Variants in PACRG observed in about 807,000 individuals in gnomAD.
The protein encoded by PACRG is parkin coregulated, also known as parkin coregulated gene protein.
In PACRG, 29 loss-of-function variants were observed where a neutral mutation model predicts 29.7. The ratio of observed to expected loss-of-function variants is 0.98; its 90% CI spans 0.73 to 1.33. The LOEUF (loss-of-function observed/expected upper bound fraction) is 1.33, where lower values mean the gene tolerates loss of function less well. Among genes scored for constraint, PACRG ranks in the 40% most tolerant of loss-of-function variants. PACRG has a pLI of 0.00. For missense variants in PACRG, 279 were observed against 316.2 expected, an observed-to-expected ratio of 0.88 and a Z score of 0.89; for synonymous variants, 116 against 118.7, an observed-to-expected ratio of 0.98 and a Z score of 0.15.
intron 4 of PACRG, among the ~76,000 whole-genome samples, chr6:163,303,185 C>T (rs1023671286): frequency 1.3e-5 from 2 of 151,994 alleles, no homozygotes; most frequent in Non-Finnish European, 2.9e-5. Flanking sequence ...AAAAAATTAA[C>T]CAGGCGTGGT....
chr6:162,795,509 T>C (rs1326762613), intron 1 of PACRG, among the ~76,000 whole-genome samples: 1 of 152,138 alleles, frequency 6.6e-6, no homozygotes, highest in Non-Finnish European at 1.5e-5. Flanking sequence ...AGATCCCTGC[T>C]CCAGTGACCT....
At chr6:162,916,391 A>T (rs1044659448) in intron 2 of PACRG, among the ~76,000 whole-genome samples, 1 of 152,068 alleles carries the variant, frequency 6.6e-6, no homozygotes, top group East Asian at 1.9e-4. Context: ...CCTCTGTGTG[A>T]TATGTTGAGA....
chr6:162,792,222 G>T (rs1351554453), intron 1 of PACRG, among the ~76,000 whole-genome samples: 1 of 152,094 alleles, frequency 6.6e-6, no homozygotes, highest in Admixed American at 6.6e-5. Flanking sequence ...AACTAAGGGT[G>T]GGTTAAGGGA....
At chr6:163,115,139 A>G (rs1355332632) in intron 4 of PACRG, among the ~76,000 whole-genome samples, 1 of 152,144 alleles carries the variant, frequency 6.6e-6, no homozygotes, top group Non-Finnish European at 1.5e-5. Flanking sequence ...ACAAATAGAA[A>G]CCTTGAATCT....
intron 2 of PACRG, among the ~76,000 whole-genome samples, chr6:163,041,320 G>A (rs905204599): frequency 6.6e-6 from 1 of 151,930 alleles, no homozygotes; most frequent in Non-Finnish European, 1.5e-5. Flanking sequence ...CTGGGTGACA[G>A]AGCAAGACTC....
intron 2 of PACRG, among the ~76,000 whole-genome samples, chr6:162,918,446 G>A (rs968574528): frequency 2.6e-5 from 4 of 152,152 alleles, no homozygotes; most frequent in African/African-American, 9.7e-5. Flanking sequence ...GCTTGTTAGA[G>A]CAATTGCTGG....
At chr6:162,802,689 G>A (rs900325408) in intron 1 of PACRG, among the ~76,000 whole-genome samples, 8 of 152,084 alleles carry the variant, frequency 5.3e-5, no homozygotes, top group Non-Finnish European at 1.0e-4. Flanking sequence ...GTGCACTACA[G>A]TCTGGCTTCC....
chr6:163,155,235 G>A (rs2128339770), intron 4 of PACRG, among the ~76,000 whole-genome samples: 1 of 152,320 alleles, frequency 6.6e-6, no homozygotes, highest in African/African-American at 2.4e-5. Context: ...AGATACGTAT[G>A]CTTCCTCTGC....
At chr6:162,874,489 C>A (rs887379282) in intron 2 of PACRG, among the ~76,000 whole-genome samples, 5 of 152,084 alleles carry the variant, frequency 3.3e-5, no homozygotes. Context: ...GAATGCCAGC[C>A]AATTCACCAG....
At chr6:162,805,201 C>A (rs1786218394) in intron 1 of PACRG, among the ~76,000 whole-genome samples, 1 of 152,130 alleles carries the variant, frequency 6.6e-6, no homozygotes, top group Non-Finnish European at 1.5e-5. Context: ...TTGGAGATAT[C>A]ACAGATTCAG....
intron 4 of PACRG, among the ~76,000 whole-genome samples, chr6:163,293,783 G>T (rs1784694181): frequency 6.6e-6 from 1 of 152,098 alleles, no homozygotes; most frequent in Non-Finnish European, 1.5e-5. Flanking sequence ...TGATTTTTAA[G>T]TAGAATTTTT....
intron 4 of PACRG, among the ~76,000 whole-genome samples, chr6:163,153,276 T>G (rs543405533): frequency 2.0e-5 from 3 of 152,272 alleles, no homozygotes; most frequent in Non-Finnish European, 2.9e-5. Context: ...ATCAATAAAC[T>G]CTACTCTTAC....
At chr6:162,934,212 G>A (rs369007566) in intron 2 of PACRG, among the ~76,000 whole-genome samples, 10 of 151,734 alleles carry the variant, frequency 6.6e-5, no homozygotes, top group East Asian at 1.9e-4. Flanking sequence ...GCAGTGAGCC[G>A]AGATCATGCC....
At chr6:163,301,820 A>G (rs1373537880) in intron 4 of PACRG, among the ~76,000 whole-genome samples, 1 of 152,158 alleles carries the variant, frequency 6.6e-6, no homozygotes, top group African/African-American at 2.4e-5. Flanking sequence ...ATATAAACAT[A>G]ATGCATATTC....
At chr6:162,727,768 C>T (rs1475954260), upstream of PACRG, 11 of 1,262,022 alleles carry the variant, frequency 8.7e-6, no homozygotes, top group African/African-American at 1.0e-4. Context: ...TTAAATCCTC[C>T]AGGCCTCCCC....
chr6:163,014,383 T>C (rs1045369190), intron 2 of PACRG, among the ~76,000 whole-genome samples: 4 of 152,204 alleles, frequency 2.6e-5, no homozygotes, highest in Admixed American at 6.5e-5. Flanking sequence ...TTAATGGGAT[T>C]GCTTGGTTGA....
intron 4 of PACRG, among the ~76,000 whole-genome samples, chr6:163,108,180 C>T (rs550491845): frequency 5.3e-5 from 8 of 152,044 alleles, no homozygotes; most frequent in Non-Finnish European, 8.8e-5. Flanking sequence ...TTCCTTCTTT[C>T]TGTTCTCATG....
chr6:162,849,118 A>G (rs1035016800), intron 2 of PACRG, among the ~76,000 whole-genome samples: 1 of 152,234 alleles, frequency 6.6e-6, no homozygotes, highest in African/African-American at 2.4e-5. Context: ...TAACACGAAA[A>G]GACCAAAGAA....
chr6:162,891,843 C>G (rs573479859), intron 2 of PACRG, among the ~76,000 whole-genome samples: 1 of 152,168 alleles, frequency 6.6e-6, no homozygotes, highest in Non-Finnish European at 1.5e-5. Context: ...ATGGCACTGG[C>G]CACATAACCA....
Sources: allele counts gnomAD v4.1 joint callset (sites outside exome capture counted in the v4.1 genomes callset), GRCh38; gene constraint gnomAD v4.1.1; transcripts MANE v1.5; gene names NCBI Gene and HGNC (gene_info 2026-07-23, HGNC 2026-07-21).